The following MEIS2 variants were observed in gnomAD, a reference collection of about 807,000 sequenced individuals.
MEIS2 encodes homeobox protein Meis2.
A neutral mutation model predicts 58.6 loss-of-function variants in MEIS2; 9 were observed. The observed-to-expected ratio is 0.15, with a 90% CI of 0.09 to 0.27. The LOEUF (loss-of-function observed/expected upper bound fraction) is 0.27, where lower values mean the gene tolerates loss of function less well. MEIS2 is among the 10% of genes least tolerant of loss of function. The pLI is 1.00. For missense variants in MEIS2, 427 were observed against 635.0 expected (o/e 0.67, Z 3.52); for synonymous variants, 221 against 228.4 (o/e 0.97, Z 0.29).
chr15:37,091,914 A>G (rs1893573161), intron 6 of MEIS2, among the ~76,000 whole-genome samples: 1 of 152,230 alleles, frequency 6.6e-6, no homozygotes, highest in Non-Finnish European at 1.5e-5. Context: ...ATGTGAATAA[A>G]TATAAATATA....
rs34976538 is a variant in MEIS2 at position 36,891,073 on chromosome 15, CT to C, written c.*1099del. The C allele has an allele frequency of 0.45, 67,939 of 149,622 alleles. 15,316 individuals carry two copies. The highest frequency in any genetic ancestry group is 0.52 in the Admixed American group (7,807 of 14,972). The allele number at this position is 149,622 out of a possible 1,614,324, so 9.3% of individuals were successfully genotyped here. A position where few individuals can be genotyped will look rare whatever the true frequency, so the allele number is the denominator to read the frequency against. Reference sequence around the variant, plus strand: ...ATTACCGCTTTTTGTGACTTAACACCTTTTTTTTTTTAACATAACGTCACAG... The same window carrying C: ...ATTACCGCTTTTTGTGACTTAACACCTTTTTTTTTTAACATAACGTCACAG... On this transcript the variant is annotated 3_prime_UTR_variant, in exon 12 of 12. Transcript: ENST00000561208.
intron 9 of MEIS2, among the ~76,000 whole-genome samples, chr15:36,906,229 T>C (rs1210594195): frequency 1.3e-5 from 2 of 152,128 alleles, no homozygotes; most frequent in African/African-American, 4.8e-5. Context: ...TCCTAAATGG[T>C]AGAATGATAA....
At position 36,921,394 on chromosome 15, in the gene MEIS2, A is replaced by T. The variant is rs534977657; in HGVS notation, c.978-24708T>A. On this transcript the variant is annotated intron_variant, in intron 9 of 11. Transcript: ENST00000561208. ...ACCCAGCTTGTGTTAGAAGTCATTA[A>T]CTATACTCAGACTCAGTTTTCCTGA... Among the ~76,000 whole-genome samples the T allele has an allele frequency of 5.3e-5, 8 of 152,360 alleles. No homozygotes were observed. The East Asian group carries it at 1.5e-3, about 29-fold the overall frequency.
chr15:36,921,692 C>A (rs1209224608), intron 9 of MEIS2, among the ~76,000 whole-genome samples: 1 of 151,402 alleles, frequency 6.6e-6, no homozygotes, highest in Non-Finnish European at 1.5e-5. Flanking sequence ...CAGTGTGGAG[C>A]CTGATACGCT....
At chr15:37,065,165 C>T (rs879141993) in intron 7 of MEIS2, among the ~76,000 whole-genome samples, 2 of 152,102 alleles carry the variant, frequency 1.3e-5, no homozygotes, top group East Asian at 1.9e-4. Flanking sequence ...ATTCTGGAAG[C>T]CCTTAGGTAG....
At chr15:36,901,902 T>C (rs2056493224) in intron 9 of MEIS2, among the ~76,000 whole-genome samples, 1 of 151,340 alleles carries the variant, frequency 6.6e-6, no homozygotes, top group African/African-American at 2.5e-5. Flanking sequence ...ATACTCTACT[T>C]TGAGCATGCC....
At chr15:37,045,146 C>G (rs1030547267) in intron 7 of MEIS2, among the ~76,000 whole-genome samples, 8 of 152,178 alleles carry the variant, frequency 5.3e-5, no homozygotes, top group African/African-American at 1.9e-4. Context: ...GTGCCCTCCA[C>G]CTCAACTCTG....
At chr15:37,033,743 C>T (rs1000449645) in intron 8 of MEIS2, among the ~76,000 whole-genome samples, 11 of 152,240 alleles carry the variant, frequency 7.2e-5, no homozygotes, top group African/African-American at 7.2e-5. Flanking sequence ...CCTGTTAGTG[C>T]ATGTAAGAAA....
At position 37,031,813 on chromosome 15, in the gene MEIS2, CTT is replaced by C. The variant is rs1491216167; in HGVS notation, c.900+4999_900+5000del. Among the ~76,000 whole-genome samples, 47 of 106,616 alleles carry C rather than the reference CTT, an allele frequency of 4.4e-4. No individual in the cohort carries two copies. In the East Asian group the frequency reaches 7.4e-3, roughly 17 times the overall value. 69.9% of individuals were successfully genotyped at this position (106,616 alleles called of 152,430 possible). ...CAGCTGCATACATAATATTACATCA[CTT>C]TGTGTGTGTGTGTGTGTGTGTGTGT... On this transcript the variant is annotated intron_variant, in intron 8 of 11. Transcript: ENST00000561208.
intron 9 of MEIS2, among the ~76,000 whole-genome samples, chr15:36,899,176 T>C (rs571552754): frequency 9.8e-5 from 15 of 152,338 alleles, no homozygotes; most frequent in African/African-American, 3.1e-4. Flanking sequence ...CCACATTCTT[T>C]CAAATCACAC....
chr15:36,909,430 A>C (rs1024818620), intron 9 of MEIS2, among the ~76,000 whole-genome samples: 16 of 152,200 alleles, frequency 1.1e-4, no homozygotes, highest in African/African-American at 1.7e-4. Flanking sequence ...GGGTTCCTTC[A>C]TCTCGGATAT....
rs75813441 is a variant in MEIS2 at position 36,952,703 on chromosome 15, G to T, written c.901-2303C>A. 6.3e-3 allele frequency among the ~76,000 whole-genome samples: 958 copies of T among 151,834 alleles called. 9 individuals carry two copies. Among genetic ancestry groups the T allele is most frequent in the African/African-American group, 0.022 (919 of 41,408 alleles). On this transcript the variant is annotated intron_variant, in intron 8 of 11. Coordinates refer to ENST00000561208, the MANE Select transcript of MEIS2 (RefSeq NM_170675.5). ...GGTTTAGATGAAATAAAGGTTTAGG[G>T]TGTAAGCAGAATAGTTGAAATGGGA...
intron 7 of MEIS2, among the ~76,000 whole-genome samples, chr15:37,056,198 A>G (rs572245134): frequency 6.6e-6 from 1 of 152,328 alleles, no homozygotes; most frequent in East Asian, 1.9e-4. Context: ...GGATATTATG[A>G]GGCATTAACC....
At chr15:37,075,253 A>C (rs1020126415) in intron 7 of MEIS2, among the ~76,000 whole-genome samples, 1 of 152,166 alleles carries the variant, frequency 6.6e-6, no homozygotes, top group East Asian at 1.9e-4. Flanking sequence ...TTCTGACCAT[A>C]TGCACATAAT....
At chr15:37,015,925 C>T (rs1251621576) in intron 8 of MEIS2, among the ~76,000 whole-genome samples, 1 of 151,930 alleles carries the variant, frequency 6.6e-6, no homozygotes, top group Non-Finnish European at 1.5e-5. Context: ...GAAAGAAAAC[C>T]ATCCTGTCCC....
intron 4 of MEIS2, 44 bp from the exon 5 acceptor site, chr15:37,094,621 T>C (rs1436342992): frequency 6.3e-7 from 1 of 1,575,156 alleles, no homozygotes; most frequent in South Asian, 1.1e-5. Context: ...TCTGTGACTC[T>C]GAGGTCCTGT....
At chr15:36,965,316 C>T (rs2059318107) in intron 8 of MEIS2, among the ~76,000 whole-genome samples, 1 of 152,062 alleles carries the variant, frequency 6.6e-6, no homozygotes, top group African/African-American at 2.4e-5. Context: ...GGTCAACTTA[C>T]AGATAAAATA....
chr15:36,996,071 A>G (rs1051963922), intron 8 of MEIS2, among the ~76,000 whole-genome samples: 26 of 146,452 alleles, frequency 1.8e-4, no homozygotes, highest in Non-Finnish European at 3.7e-4. Context: ...ACACATATAT[A>G]TATATATATT....
intron 8 of MEIS2, among the ~76,000 whole-genome samples, chr15:36,988,971 A>G (rs944174095): frequency 6.6e-6 from 1 of 152,236 alleles, no homozygotes; most frequent in African/African-American, 2.4e-5. Flanking sequence ...GCAAGAAAAA[A>G]GGATGGGGTC....
Sources: gnomAD v4.1 joint callset for allele counts (sites outside exome capture counted in the v4.1 genomes callset) on GRCh38, gnomAD v4.1.1 for gene constraint, MANE v1.5 for transcripts, NCBI Gene and HGNC (gene_info 2026-07-23, HGNC 2026-07-21) for gene names.